The following DMD variants were observed in gnomAD, a reference collection of about 807,000 sequenced individuals.
DMD encodes mutant dystrophin.
A neutral mutation model predicts 330.1 loss-of-function variants in DMD; 63 were observed. That is an observed-to-expected ratio of 0.19 (90% CI 0.16 to 0.24). The LOEUF (loss-of-function observed/expected upper bound fraction) is 0.24, where lower values mean the gene tolerates loss of function less well. Among genes scored for constraint, DMD ranks in the 10% least tolerant of loss-of-function variants. The pLI is 1.00. For synonymous variants in DMD, 1,223 were observed against 959.8 expected (o/e 1.27, Z -5.07); for missense variants, 3,344 against 2,684.1 (o/e 1.25, Z -5.43).
At chrX:31,364,377 C>T (rs1229739081) in intron 60 of DMD, among the ~76,000 whole-genome samples, 1 of 111,826 alleles carries the variant, frequency 8.9e-6, no homozygotes, top group Non-Finnish European at 1.9e-5. Flanking sequence ...GAGTAGCTCT[C>T]TCTTTTCTGC....
At chrX:32,381,789 C>CT (rs35019598) in intron 33 of DMD, among the ~76,000 whole-genome samples, 2 of 110,431 alleles carry the variant, frequency 1.8e-5, no homozygotes, top group African/African-American at 3.3e-5. Context: ...GTGTTTTCAC[C>CT]TTTTTTTAAA....
At chrX:31,145,604 C>T (rs1412169218) in intron 76 of DMD, among the ~76,000 whole-genome samples, 1 of 109,785 alleles carries the variant, frequency 9.1e-6, no homozygotes, top group African/African-American at 3.3e-5. Context: ...CAACCAAATC[C>T]TCTCCCTTCA....
intron 45 of DMD, among the ~76,000 whole-genome samples, chrX:31,951,862 C>T (rs1029324647): frequency 9.0e-6 from 1 of 111,199 alleles, no homozygotes; most frequent in Non-Finnish European, 1.9e-5. Flanking sequence ...GCCTGAATGA[C>T]TTTATTTAGT....
intron 54 of DMD, among the ~76,000 whole-genome samples, chrX:31,635,778 C>G (rs1417303280): frequency 2.7e-5 from 3 of 111,049 alleles, no homozygotes; most frequent in Non-Finnish European, 5.7e-5. Context: ...TTGAAAGGGC[C>G]CTTTTAGCAA....
At chrX:31,944,502 G>A (rs1412071727) in intron 45 of DMD, among the ~76,000 whole-genome samples, 2 of 100,676 alleles carry the variant, frequency 2.0e-5, no homozygotes, top group Non-Finnish European at 4.0e-5. Context: ...TTTTTGAGAC[G>A]GAGTCTCACT....
chrX:31,839,879 T>C (rs2093280577), intron 48 of DMD, among the ~76,000 whole-genome samples: 2 of 111,945 alleles, frequency 1.8e-5, no homozygotes, highest in African/African-American at 6.5e-5. Flanking sequence ...ATAGTAAACA[T>C]TTATTAGTTT....
chrX:31,222,678 A>G (rs1252850458), intron 64 of DMD, among the ~76,000 whole-genome samples: 1 of 111,343 alleles, frequency 9.0e-6, no homozygotes, highest in Non-Finnish European at 1.9e-5. Flanking sequence ...TAGATCAGAT[A>G]GTCATAGTCT....
At chrX:32,823,649 A>G (rs888200815) in intron 4 of DMD, among the ~76,000 whole-genome samples, 1 of 111,963 alleles carries the variant, frequency 8.9e-6, no homozygotes, top group Non-Finnish European at 1.9e-5. Flanking sequence ...GTATCTCCAA[A>G]TAAAATGTCA....
intron 2 of DMD, among the ~76,000 whole-genome samples, chrX:32,896,866 C>T (rs1317092613): frequency 8.9e-6 from 1 of 112,305 alleles, no homozygotes; most frequent in Non-Finnish European, 1.9e-5. Flanking sequence ...TTCAACAACA[C>T]TGTGGTACGC....
At chrX:31,702,251 T>C (rs911692841) in intron 52 of DMD, among the ~76,000 whole-genome samples, 1 of 112,056 alleles carries the variant, frequency 8.9e-6, no homozygotes, top group African/African-American at 3.2e-5. Context: ...TTCATGTATG[T>C]ATATTGCTTC....
At chrX:32,960,906 G>T in intron 2 of DMD, among the ~76,000 whole-genome samples, 1 of 68,962 alleles carries the variant, frequency 1.5e-5, no homozygotes, top group Non-Finnish European at 2.5e-5. Context: ...TTATTTTATT[G>T]CACCATTTGT....
intron 32 of DMD, among the ~76,000 whole-genome samples, chrX:32,387,884 G>A (rs1163196724): frequency 1.8e-5 from 2 of 110,970 alleles, no homozygotes; most frequent in Non-Finnish European, 3.8e-5. Context: ...TCAAGGTACC[G>A]TTAGCCATTA....
At chrX:31,748,961 A>G (rs939418359) in intron 51 of DMD, among the ~76,000 whole-genome samples, 3 of 111,352 alleles carry the variant, frequency 2.7e-5, no homozygotes, top group Non-Finnish European at 5.7e-5. Context: ...AAGCTGGGCT[A>G]GATGCTTTAT....
intron 44 of DMD, among the ~76,000 whole-genome samples, chrX:31,983,598 G>A (rs1284312676): frequency 9.0e-6 from 1 of 111,467 alleles, no homozygotes; most frequent in African/African-American, 3.3e-5. Context: ...TCCAGATTCA[G>A]GAACAACAAG....
intron 60 of DMD, among the ~76,000 whole-genome samples, chrX:31,385,238 C>T (rs2060391405): frequency 9.0e-6 from 1 of 111,587 alleles, no homozygotes; most frequent in African/African-American, 3.3e-5. Context: ...GCCATTTCAA[C>T]GGCAGTAGGA....
At chrX:32,314,348 A>G (rs2097575343) in intron 41 of DMD, among the ~76,000 whole-genome samples, 1 of 111,575 alleles carries the variant, frequency 9.0e-6, no homozygotes, top group Admixed American at 9.6e-5. Flanking sequence ...GGCCATATGC[A>G]GAAAACGGAA....
At chrX:33,199,243 T>G (rs1248527678) in intron 1 of DMD, among the ~76,000 whole-genome samples, 1 of 111,441 alleles carries the variant, frequency 9.0e-6, no homozygotes, top group Non-Finnish European at 1.9e-5. Context: ...AAGGCTGCTG[T>G]ATTCCTAGTG....
chrX:32,777,277 T>TGGGGGGGGGGGGGGTGGGGGG (rs546914107), intron 7 of DMD, among the ~76,000 whole-genome samples: 1 of 2,113 alleles, frequency 4.7e-4, no homozygotes, highest in Non-Finnish European at 7.0e-4. Context: ...GGTTTCTGGT[T>TGGGGGGGGGGGGGGTGGGGGG]GGGGGGGGAA....
At chrX:31,419,819 T>C (rs1396152894) in intron 60 of DMD, among the ~76,000 whole-genome samples, 2 of 112,048 alleles carry the variant, frequency 1.8e-5, no homozygotes, top group East Asian at 2.8e-4. Flanking sequence ...AACATGTTCA[T>C]TGGCATAGCT....
Sources: allele counts gnomAD v4.1 joint callset (sites outside exome capture counted in the v4.1 genomes callset), GRCh38; gene constraint gnomAD v4.1.1; transcripts MANE v1.5; gene names NCBI Gene and HGNC (gene_info 2026-07-23, HGNC 2026-07-21).